KITLG: variants seen among roughly 807,000 people sequenced by gnomAD.
KITLG encodes c-Kit ligand.
In KITLG, 13 loss-of-function variants were observed where a neutral mutation model predicts 34.1. That is an observed-to-expected ratio of 0.38 (90% confidence interval 0.25 to 0.61). The LOEUF (loss-of-function observed/expected upper bound fraction) is 0.61, where lower values mean the gene tolerates loss of function less well. Ranked by LOEUF, KITLG falls within the 20% of genes least tolerant of loss-of-function variation. The pLI is 0.60. For missense variants in KITLG, 292 were observed against 318.9 expected (o/e 0.92, Z 0.64); for synonymous variants, 110 against 104.0 (o/e 1.06, Z -0.35).
chr12:88,569,251 AG>A (rs1871562081), intron 1 of KITLG, among the ~76,000 whole-genome samples: 2 of 152,208 alleles, frequency 1.3e-5, no homozygotes, highest in African/African-American at 4.8e-5. Flanking sequence ...GATAGAAAGA[AG>A]TAACTTTGCT....
At chr12:88,527,694 T>C (rs542585872) in intron 3 of KITLG, among the ~76,000 whole-genome samples, 12 of 152,318 alleles carry the variant, frequency 7.9e-5, no homozygotes, top group Admixed American at 3.9e-4. Context: ...CATAAACAGT[T>C]GAACATCTTA....
intron 1 of KITLG, among the ~76,000 whole-genome samples, chr12:88,567,930 A>C (rs1871500629): frequency 6.6e-6 from 1 of 152,228 alleles, no homozygotes; most frequent in Admixed American, 6.5e-5. Context: ...AAAGCTATTC[A>C]TGATCATACT....
intron 6 of KITLG, among the ~76,000 whole-genome samples, chr12:88,512,314 A>G (rs1869305873): frequency 2.0e-5 from 3 of 152,136 alleles, no homozygotes; most frequent in Non-Finnish European, 4.4e-5. Context: ...ACAAAAGGTC[A>G]ATGAACTTGA....
intron 6 of KITLG, among the ~76,000 whole-genome samples, chr12:88,507,861 C>T (rs926168684): frequency 6.6e-6 from 1 of 152,014 alleles, no homozygotes; most frequent in Non-Finnish European, 1.5e-5. Context: ...CTTTCTTGAT[C>T]CTGCCTGGCT....
intron 3 of KITLG, among the ~76,000 whole-genome samples, chr12:88,523,520 G>T (rs1673784803): frequency 6.6e-6 from 1 of 152,076 alleles, no homozygotes; most frequent in African/African-American, 2.4e-5. Flanking sequence ...GAATAGAAAT[G>T]GTTCTTTCTG....
chr12:88,497,144 C>G lies in KITLG; in HGVS notation c.*75G>C. 1 of 448,482 alleles carries G rather than the reference C, an allele frequency of 2.2e-6. No homozygotes were observed. Among genetic ancestry groups the G allele is most frequent in the Non-Finnish European group, 4.5e-6 (1 of 223,186 alleles). 27.8% of individuals were successfully genotyped at this position (448,482 alleles called of 1,614,324 possible). ...AGACAGAATATGAATTTGTTTAAAGCTGCTTCATTTATGAAGCAAACATGA... is the reference window on the plus strand; with the variant it reads ...AGACAGAATATGAATTTGTTTAAAGGTGCTTCATTTATGAAGCAAACATGA... On this transcript the variant is annotated 3_prime_UTR_variant, in exon 10 of 10. Coordinates refer to ENST00000644744, the MANE Select transcript of KITLG (RefSeq NM_000899.5).
At chr12:88,555,084 A>T (rs148463180) in intron 1 of KITLG, among the ~76,000 whole-genome samples, 1 of 152,164 alleles carries the variant, frequency 6.6e-6, no homozygotes, top group Non-Finnish European at 1.5e-5. Context: ...ACAAAAAAAA[A>T]CTAGAAAGAA....
At position 88,495,334 on chromosome 12, in the gene KITLG, C is replaced by A. The variant is rs1592832711; in HGVS notation, c.*1885G>T. ...ACCTACACGCATAACTCATATTAATCTGTATCTATTTTCCTGAAAACAGTC... is the reference window on the plus strand; with the variant it reads ...ACCTACACGCATAACTCATATTAATATGTATCTATTTTCCTGAAAACAGTC... On this transcript the variant is annotated 3_prime_UTR_variant, in exon 10 of 10. Transcript: ENST00000644744. 1 of 152,050 alleles carries A rather than the reference C, an allele frequency of 6.6e-6. No individual in the cohort carries two copies. The highest frequency in any genetic ancestry group is 6.6e-5 in the Admixed American group (1 of 15,240). The allele number at this position is 152,050 out of a possible 1,614,324, so 9.4% of individuals were successfully genotyped here.
intron 4 of KITLG, among the ~76,000 whole-genome samples, chr12:88,517,441 T>C (rs1869498468): frequency 6.6e-6 from 1 of 152,078 alleles, no homozygotes; most frequent in Admixed American, 6.6e-5. Context: ...CCAAAACAAC[T>C]GAGAAATATA....
At chr12:88,524,087 T>G (rs1349179247) in intron 3 of KITLG, among the ~76,000 whole-genome samples, 1 of 152,182 alleles carries the variant, frequency 6.6e-6, no homozygotes, top group Non-Finnish European at 1.5e-5. Context: ...GTCAATTCAC[T>G]TTGTGATTTC....
At chr12:88,517,624 A>G (rs898050422) in intron 4 of KITLG, among the ~76,000 whole-genome samples, 6 of 152,102 alleles carry the variant, frequency 3.9e-5, no homozygotes, top group Non-Finnish European at 8.8e-5. Context: ...GATGCACTCT[A>G]CTTTTTGTGA....
intron 2 of KITLG, among the ~76,000 whole-genome samples, chr12:88,545,162 T>C (rs1378078948): frequency 4.6e-5 from 7 of 152,130 alleles, no homozygotes. Context: ...TGGCAGTGAC[T>C]TGGGGAAGCA....
At chr12:88,535,549 G>A (rs761753930) in intron 2 of KITLG, among the ~76,000 whole-genome samples, 5 of 152,128 alleles carry the variant, frequency 3.3e-5, no homozygotes, top group Admixed American at 6.6e-5. Flanking sequence ...CTGGGGCTCA[G>A]CACATCTACC....
At chr12:88,550,237 T>C (rs1870849848) in intron 1 of KITLG, among the ~76,000 whole-genome samples, 1 of 151,922 alleles carries the variant, frequency 6.6e-6, no homozygotes, top group South Asian at 2.1e-4. Context: ...TGGCAAGAAA[T>C]TGGGGGTGAA....
intron 1 of KITLG, chr12:88,564,477 T>C (rs568036168): frequency 1.3e-5 from 2 of 152,282 alleles, no homozygotes; most frequent in Admixed American, 1.3e-4. Context: ...GTGAGCAATA[T>C]ATTCACTAAA....
intron 1 of KITLG, among the ~76,000 whole-genome samples, chr12:88,546,696 G>A (rs1173590018): frequency 6.6e-6 from 1 of 152,120 alleles, no homozygotes; most frequent in Non-Finnish European, 1.5e-5. Context: ...ATAAATATTT[G>A]CTGGGTCAAT....
At chr12:88,557,204 G>A (rs1435015353) in intron 1 of KITLG, among the ~76,000 whole-genome samples, 1 of 152,002 alleles carries the variant, frequency 6.6e-6, no homozygotes, top group Non-Finnish European at 1.5e-5. Flanking sequence ...ACTCACCTGG[G>A]GTTAACAGAG....
intron 1 of KITLG, among the ~76,000 whole-genome samples, chr12:88,578,220 C>A (rs774585133): frequency 3.3e-5 from 5 of 152,000 alleles, no homozygotes; most frequent in Non-Finnish European, 5.9e-5. Flanking sequence ...TTCCAGTGTC[C>A]CCTTTTTCAG....
At chr12:88,515,066 A>G (rs1414968466) in intron 6 of KITLG, among the ~76,000 whole-genome samples, 1 of 151,866 alleles carries the variant, frequency 6.6e-6, no homozygotes, top group Non-Finnish European at 1.5e-5. Context: ...AATGCGCAAT[A>G]GTAAATACTG....
Sources: gnomAD v4.1 joint callset for allele counts (sites outside exome capture counted in the v4.1 genomes callset) on GRCh38, gnomAD v4.1.1 for gene constraint, MANE v1.5 for transcripts, NCBI Gene and HGNC (gene_info 2026-07-23, HGNC 2026-07-21) for gene names.